Variants in LDHAL6A observed in about 807,000 individuals in gnomAD.
The protein encoded by LDHAL6A is L-lactate dehydrogenase A-like 6A.
A neutral mutation model predicts 28.2 loss-of-function variants in LDHAL6A; 19 were observed. The ratio of observed to expected loss-of-function variants is 0.67; its 90% CI spans 0.47 to 0.99. The LOEUF (loss-of-function observed/expected upper bound fraction) is 0.99, where lower values mean the gene tolerates loss of function less well. Among genes scored for constraint, LDHAL6A ranks in the 50% least tolerant of loss-of-function variants. The pLI is 0.00. For synonymous variants in LDHAL6A, 144 were observed against 134.4 expected, an observed-to-expected ratio of 1.07 and a Z score of -0.49; for missense variants, 372 against 398.6, an observed-to-expected ratio of 0.93 and a Z score of 0.57.
chr11:18,475,551 T>A lies in LDHAL6A; in HGVS notation c.504T>A (p.Ala168=). 1 of 1,614,120 alleles carries A rather than the reference T, an allele frequency of 6.2e-7. No individual in the cohort carries two copies. Among genetic ancestry groups the A allele is most frequent in the Non-Finnish European group, 8.5e-7 (1 of 1,179,980 alleles). Reference sequence around the variant, plus strand: ...GAAGTGGTTGTAATCTGGACTCTGCTCGTTTTCGTTACTTTATTGGGCAAA... The same window carrying A: ...GAAGTGGTTGTAATCTGGACTCTGCACGTTTTCGTTACTTTATTGGGCAAA... ...VIGSGCNLDS[A]RFRYFIGQRL... Residue 168 remains alanine (A), a synonymous_variant, in exon 4 of 7, where the codon GCT becomes GCA. Coordinates refer to ENST00000280706, the MANE Select transcript of LDHAL6A (RefSeq NM_144972.5).
At chr11:18,460,319 C>T (rs907599576) in intron 1 of LDHAL6A, among the ~76,000 whole-genome samples, 7 of 151,866 alleles carry the variant, frequency 4.6e-5, no homozygotes, top group Non-Finnish European at 8.8e-5. Context: ...TGGCCGGGCA[C>T]GGTGGCTCAC....
intron 3 of LDHAL6A, among the ~76,000 whole-genome samples, chr11:18,474,745 TC>T (rs1755276239): frequency 1.3e-5 from 2 of 152,044 alleles, no homozygotes; most frequent in Admixed American, 1.3e-4. Context: ...TCATCTGTAA[TC>T]CCAGCACTTT....
chr11:18,467,880 CAT>C (rs1161164040), intron 3 of LDHAL6A, among the ~76,000 whole-genome samples: 7,454 of 44,318 alleles, frequency 0.17, 1,109 homozygotes, highest in South Asian at 0.22. Context: ...TATATACACA[CAT>C]ATATATATAT....
chr11:18,478,686 T>C lies in LDHAL6A; in HGVS notation c.835-20T>C. 2 of 1,584,680 alleles carry C rather than the reference T, an allele frequency of 1.3e-6. No individual in the cohort carries two copies. The highest frequency in any genetic ancestry group is 1.7e-6 in the Non-Finnish European group (2 of 1,164,532). On this transcript the variant is annotated intron_variant, in intron 6 of 6. Coordinates refer to ENST00000280706, the MANE Select transcript of LDHAL6A (RefSeq NM_144972.5). ...AGAACTTTGTTAAAAAAGGAATAAT[T>C]TTTAAGTCTTTACTTTCAGGGCCTC...
At chr11:18,464,992 G>GTTTTTTTTTTTTTTTTT (rs1212053975) in intron 2 of LDHAL6A, among the ~76,000 whole-genome samples, 1 of 119,820 alleles carries the variant, frequency 8.3e-6, no homozygotes, top group African/African-American at 3.5e-5. Context: ...TTTTTGTTTT[G>GTTTTTTTTTTTTTTTTT]TTTTGTTTTG....
intron 4 of LDHAL6A, 38 bp downstream of exon 4, chr11:18,475,677 T>C (rs1347430215): frequency 1.3e-6 from 2 of 1,561,280 alleles, no homozygotes; most frequent in South Asian, 2.3e-5. Context: ...GAAATATCTA[T>C]TTCCTATCAA....
intron 5 of LDHAL6A, 148 bp downstream of exon 5, chr11:18,476,649 A>G: frequency 7.0e-7 from 1 of 1,422,600 alleles, no homozygotes; most frequent in Non-Finnish European, 9.2e-7. Context: ...CATATTCACC[A>G]GATTATAAAT....
intron 3 of LDHAL6A, among the ~76,000 whole-genome samples, chr11:18,470,664 T>G (rs1849235259): frequency 6.6e-6 from 1 of 152,072 alleles, no homozygotes; most frequent in Non-Finnish European, 1.5e-5. Context: ...ATAGCAATAC[T>G]CACATTTACC....
rs1309871043 is a variant in LDHAL6A at position 18,479,307 on chromosome 11, G to C, written c.*437G>C. The C allele has an allele frequency of 6.7e-6, 1 of 149,642 alleles. No homozygotes were observed. Among genetic ancestry groups the C allele is most frequent in the Non-Finnish European group, 1.5e-5 (1 of 67,794 alleles). The allele number at this position is 149,642 out of a possible 1,614,324, so 9.3% of individuals were successfully genotyped here. A position where few individuals can be genotyped will look rare whatever the true frequency, so the allele number is the denominator to read the frequency against. On this transcript the variant is annotated 3_prime_UTR_variant, in exon 7 of 7. Coordinates refer to ENST00000280706, the MANE Select transcript of LDHAL6A (RefSeq NM_144972.5). The stretch of plus-strand genomic sequence containing the variant: ...GCTTTGATTTAGTATCCAGATGATA[G>C]ATGACACTTTTTTTTTTTTTTTTTT...
Position 18,479,042 on chromosome 11 carries a change from TTCTG to T in LDHAL6A, c.*175_*178del, listed in dbSNP as rs746081556. 5 of 534,894 alleles carry T rather than the reference TTCTG, an allele frequency of 9.3e-6. No homozygotes were observed. The highest frequency in any genetic ancestry group is 1.6e-5 in the Non-Finnish European group (5 of 310,136). 33.1% of individuals were successfully genotyped at this position (534,894 alleles called of 1,614,324 possible). On this transcript the variant is annotated 3_prime_UTR_variant, in exon 7 of 7. Coordinates refer to ENST00000280706, the MANE Select transcript of LDHAL6A (RefSeq NM_144972.5). ...TTTTTTCTTTTTTGGGAGGGTCTCA[TTCTG>T]TCACCCAGGCTGGAGTGCAGTGGCA...
intron 3 of LDHAL6A, among the ~76,000 whole-genome samples, chr11:18,474,811 G>A (rs1849332872): frequency 6.6e-6 from 1 of 152,206 alleles, no homozygotes; most frequent in South Asian, 2.1e-4. Flanking sequence ...AGCCTGGGCA[G>A]CACAGCAAGA....
chr11:18,475,998 C>G (rs1469767828), intron 4 of LDHAL6A, among the ~76,000 whole-genome samples: 2 of 26,322 alleles, frequency 7.6e-5, no homozygotes, highest in Non-Finnish European at 3.7e-4. Context: ...ATGGGTATAA[C>G]TGAAGATATA....
intron 3 of LDHAL6A, among the ~76,000 whole-genome samples, chr11:18,473,912 A>T (rs1022090842): frequency 2.0e-5 from 3 of 152,262 alleles, no homozygotes; most frequent in Non-Finnish European, 4.4e-5. Flanking sequence ...TTCTGTTCCT[A>T]GATTTAGTTT....
At chr11:18,472,648 T>C (rs1376972797) in intron 3 of LDHAL6A, among the ~76,000 whole-genome samples, 1 of 152,198 alleles carries the variant, frequency 6.6e-6, no homozygotes, top group Admixed American at 6.5e-5. Flanking sequence ...ATTTGATGCA[T>C]TTATTATTTT....
At chr11:18,462,814 C>A (rs1848960812) in intron 1 of LDHAL6A, among the ~76,000 whole-genome samples, 1 of 150,328 alleles carries the variant, frequency 6.7e-6, no homozygotes, top group Non-Finnish European at 1.5e-5. Context: ...GCCTGGGGAA[C>A]AGAGCAAGAG....
chr11:18,465,440 T>A (rs1001666647), intron 2 of LDHAL6A, among the ~76,000 whole-genome samples, 197 bp from the exon 3 acceptor site: 4 of 134,362 alleles, frequency 3.0e-5, no homozygotes, highest in East Asian at 4.0e-4. Flanking sequence ...TTTTTTTTTT[T>A]TTTATTATTA....
intron 1 of LDHAL6A, among the ~76,000 whole-genome samples, chr11:18,457,079 A>C (rs928766486): frequency 6.6e-6 from 1 of 152,198 alleles, no homozygotes; most frequent in Non-Finnish European, 1.5e-5. Context: ...CCTTTGCTTG[A>C]TTTGGAAACT....
chr11:18,479,557 A>G lies in LDHAL6A; in HGVS notation c.*687A>G, dbSNP rs990147103. ...TGTATATATATACACACACACACAG[A>G]GAGTAATCTAAATGTTCCTAACACT... On this transcript the variant is annotated 3_prime_UTR_variant, in exon 7 of 7. Coordinates refer to ENST00000280706, the MANE Select transcript of LDHAL6A (RefSeq NM_144972.5). 1 of 151,954 alleles carries G rather than the reference A, an allele frequency of 6.6e-6. No individual in the cohort carries two copies. Among genetic ancestry groups the G allele is most frequent in the Non-Finnish European group, 1.5e-5 (1 of 67,962 alleles). The allele number at this position is 151,954 out of a possible 1,614,324, so 9.4% of individuals were successfully genotyped here. A position where few individuals can be genotyped will look rare whatever the true frequency, so the allele number is the denominator to read the frequency against.
chr11:18,478,760 G>C lies in LDHAL6A; in HGVS notation c.889G>C (p.Glu297Gln), dbSNP rs772033694. ...IFLSVPCILG[E>Q]NGITDLIKVK... ...CCTTAGTGTCCCATGTATCCTGGGA[G>C]AGAATGGTATCACAGACCTCATAAA... The change falls in exon 7 of 7, where the codon GAG (glutamate) becomes CAG (glutamine). Residue 297 changes from glutamate (E) to glutamine (Q), a missense_variant. Around this residue, in one of 3 missense-constraint regions of LDHAL6A, gnomAD observed 291 missense variants for 302.9 expected, o/e 0.96. Coordinates refer to ENST00000280706, the MANE Select transcript of LDHAL6A (RefSeq NM_144972.5). 2 of 1,612,784 alleles carry C rather than the reference G, an allele frequency of 1.2e-6. No homozygotes were observed. Among genetic ancestry groups the C allele is most frequent in the Admixed American group, 3.3e-5 (2 of 60,006 alleles).
Sources: allele counts gnomAD v4.1 joint callset (sites outside exome capture counted in the v4.1 genomes callset), GRCh38; gene constraint gnomAD v4.1.1; regional missense constraint gnomAD v4.1.1; transcripts MANE v1.5; gene names NCBI Gene and HGNC (gene_info 2026-07-23, HGNC 2026-07-21).